Variants in BST1 observed in about 807,000 individuals in gnomAD.
BST1 encodes ADP-ribosyl cyclase/cyclic ADP-ribose hydrolase 2.
BST1 carries 49 observed loss-of-function variants against 40.6 expected under a neutral mutation model. That is an observed-to-expected ratio of 1.21 (90% CI 0.96 to 1.53). The LOEUF (loss-of-function observed/expected upper bound fraction) is 1.53, where lower values mean the gene tolerates loss of function less well. Among genes scored for constraint, BST1 ranks in the 40% most tolerant of loss-of-function variants. BST1 has a pLI of 0.00. For synonymous variants in BST1, 157 were observed against 159.3 expected (o/e 0.99, Z 0.11); for missense variants, 423 against 395.9 (o/e 1.07, Z -0.58).
At chr4:15,735,004 G>A (rs71601492), downstream of BST1, among the ~76,000 whole-genome samples, 6,838 of 152,130 alleles carry the variant, frequency 0.045, 242 homozygotes, top group South Asian at 0.087. Flanking sequence ...TTGTAAAAGC[G>A]GTATTAGCTT....
chr4:15,732,925 G>T, downstream of BST1: 1 of 155,986 alleles, frequency 6.4e-6, no homozygotes, highest in Non-Finnish European at 1.4e-5. Context: ...TGTTCCTTCA[G>T]ATGTGTCTGG....
chr4:15,761,267 T>C, the BST1 span, among the ~76,000 whole-genome samples: 54 of 151,972 alleles, frequency 3.6e-4, no homozygotes, highest in Non-Finnish European at 6.2e-4. Context: ...GTTTTGTAAA[T>C]TGGCAATTGC....
At chr4:15,737,237 G>T (rs1721602872), downstream of BST1, among the ~76,000 whole-genome samples, 1 of 152,206 alleles carries the variant, frequency 6.6e-6, no homozygotes, top group South Asian at 2.1e-4. Flanking sequence ...TTTGATAGCT[G>T]TCTAAACACC....
chr4:15,772,857 C>T, the BST1 span, among the ~76,000 whole-genome samples: 2 of 152,130 alleles, frequency 1.3e-5, no homozygotes, highest in Non-Finnish European at 2.9e-5. Flanking sequence ...AGAAGGCCAG[C>T]AGGAGTGGAG....
the BST1 span, among the ~76,000 whole-genome samples, chr4:15,758,475 C>T: frequency 2.0e-5 from 3 of 152,152 alleles, no homozygotes; most frequent in South Asian, 6.2e-4. Context: ...GCGGCTGTAT[C>T]CATGTTGCTG....
At chr4:15,741,511 A>T (rs1410965977), downstream of BST1, among the ~76,000 whole-genome samples, 2 of 152,192 alleles carry the variant, frequency 1.3e-5, no homozygotes, top group East Asian at 3.8e-4. Context: ...AGGGGCTTAC[A>T]ACATTGTGTG....
intron 3 of BST1, among the ~76,000 whole-genome samples, chr4:15,709,375 G>A (rs1203454886): frequency 2.0e-5 from 3 of 152,180 alleles, no homozygotes; most frequent in African/African-American, 4.8e-5. Context: ...GAGCTATGAG[G>A]CTAGAGGAAT....
At chr4:15,721,964 C>T (rs1381673082) in intron 7 of BST1, among the ~76,000 whole-genome samples, 1 of 152,134 alleles carries the variant, frequency 6.6e-6, no homozygotes, top group Non-Finnish European at 1.5e-5. Flanking sequence ...CTAGGCTTGC[C>T]TCCTACCTAA....
the BST1 span, among the ~76,000 whole-genome samples, chr4:15,755,436 G>A: frequency 1.1e-4 from 17 of 152,034 alleles, no homozygotes; most frequent in Non-Finnish European, 2.2e-4. Context: ...CGTGCCTGGC[G>A]CCAGTTTCTC....
chr4:15,736,664 C>G (rs1294984205), downstream of BST1, among the ~76,000 whole-genome samples: 4 of 152,014 alleles, frequency 2.6e-5, no homozygotes, highest in African/African-American at 9.7e-5. Context: ...CCTAAACTGC[C>G]TTACTAGGTC....
chr4:15,707,849 C>CTATA (rs1719969445), intron 3 of BST1, among the ~76,000 whole-genome samples: 1 of 110,884 alleles, frequency 9.0e-6, no homozygotes, highest in African/African-American at 3.4e-5. Context: ...CTCTCTCTCT[C>CTATA]TCTCTCTATA....
downstream of BST1, among the ~76,000 whole-genome samples, chr4:15,742,748 T>C (rs1436783705): frequency 6.6e-6 from 1 of 152,206 alleles, no homozygotes; most frequent in African/African-American, 2.4e-5. Context: ...GCCAATACAG[T>C]GTTATCAGGC....
chr4:15,758,111 ACATAT>A, the BST1 span, among the ~76,000 whole-genome samples: 1 of 152,208 alleles, frequency 6.6e-6, no homozygotes, highest in African/African-American at 2.4e-5. Flanking sequence ...AAGCTAGTTA[ACATAT>A]CCATCATCTC....
chr4:15,761,425 A>G, the BST1 span, among the ~76,000 whole-genome samples: 2 of 152,018 alleles, frequency 1.3e-5, no homozygotes, highest in Non-Finnish European at 2.9e-5. Flanking sequence ...ATAAAATTGT[A>G]TGTGGCAATA....
At chr4:15,759,045 G>A in the BST1 span, among the ~76,000 whole-genome samples, 67 of 151,930 alleles carry the variant, frequency 4.4e-4, 3 homozygotes, top group African/African-American at 1.5e-3. Context: ...TCCACCACAC[G>A]TATCTGTGTG....
At chr4:15,710,227 G>A (rs1720116511) in intron 3 of BST1, among the ~76,000 whole-genome samples, 1 of 151,990 alleles carries the variant, frequency 6.6e-6, no homozygotes, top group Non-Finnish European at 1.5e-5. Flanking sequence ...TCCTGCCTCA[G>A]CCTCCCAAAG....
intron 8 of BST1, among the ~76,000 whole-genome samples, chr4:15,724,331 A>G (rs149249228): frequency 3.4e-4 from 52 of 152,372 alleles, no homozygotes; most frequent in Non-Finnish European, 6.0e-4. Context: ...CAGTAACTAT[A>G]TGCTAGGCAT....
At chr4:15,744,088 C>T in the BST1 span, among the ~76,000 whole-genome samples, 1 of 152,288 alleles carries the variant, frequency 6.6e-6, no homozygotes, top group Non-Finnish European at 1.5e-5. Flanking sequence ...ACCTTCTGGG[C>T]CTCTGTGTAG....
downstream of BST1, among the ~76,000 whole-genome samples, chr4:15,738,663 A>T (rs1721653379): frequency 6.6e-6 from 1 of 152,250 alleles, no homozygotes; most frequent in Non-Finnish European, 1.5e-5. Context: ...TTTGAAGTTC[A>T]GCTTCCACAC....
Sources: gnomAD v4.1 joint callset for allele counts (sites outside exome capture counted in the v4.1 genomes callset) on GRCh38, gnomAD v4.1.1 for gene constraint, MANE v1.5 for transcripts, NCBI Gene and HGNC (gene_info 2026-07-23, HGNC 2026-07-21) for gene names.